The following DCC variants were observed in gnomAD, a reference collection of about 807,000 sequenced individuals.
DCC encodes the protein DCC netrin 1 receptor.
In DCC, 58 loss-of-function variants were observed where a neutral mutation model predicts 172.5. The observed-to-expected ratio is 0.34, with a 90% confidence interval of 0.27 to 0.42. The LOEUF (loss-of-function observed/expected upper bound fraction) is 0.42, where lower values mean the gene tolerates loss of function less well. Ranked by LOEUF, DCC falls within the 10% of genes least tolerant of loss-of-function variation. The probability of loss-of-function intolerance (pLI) is 1.00; values close to 1 mark genes in which losing one functional copy is unlikely to be tolerated. For synonymous variants in DCC, 709 were observed against 644.5 expected (o/e 1.10, Z -1.52); for missense variants, 1,740 against 1,791.0 (o/e 0.97, Z 0.51).
intron 1 of DCC, among the ~76,000 whole-genome samples, chr18:52,596,089 G>C (rs969529638): frequency 4.6e-5 from 7 of 152,154 alleles, no homozygotes; most frequent in Non-Finnish European, 8.8e-5. Flanking sequence ...TCCTAATTTA[G>C]ATTACTCAGC....
intron 1 of DCC, among the ~76,000 whole-genome samples, chr18:52,702,355 T>G (rs1048653059): frequency 8.5e-5 from 13 of 152,128 alleles, no homozygotes; most frequent in Non-Finnish European, 4.4e-5. Context: ...TCACTTTGCC[T>G]CTTACCTCCT....
intron 7 of DCC, among the ~76,000 whole-genome samples, chr18:53,128,237 G>T (rs1180554917): frequency 3.3e-5 from 5 of 152,058 alleles, no homozygotes; most frequent in Non-Finnish European, 7.4e-5. Context: ...CCTGTATCAT[G>T]CACTTTGCTA....
intron 1 of DCC, among the ~76,000 whole-genome samples, chr18:52,607,476 C>A (rs901183142): frequency 3.9e-5 from 6 of 152,052 alleles, no homozygotes; most frequent in African/African-American, 1.4e-4. Flanking sequence ...GACCATAGAG[C>A]GTACTTTTTG....
intron 5 of DCC, among the ~76,000 whole-genome samples, chr18:52,939,713 C>T (rs1480813896): frequency 6.6e-6 from 1 of 152,012 alleles, no homozygotes; most frequent in Admixed American, 6.6e-5. Flanking sequence ...GAAATTGAGG[C>T]TCCTCATTAT....
chr18:53,296,345 T>C (rs1366695010), intron 12 of DCC, among the ~76,000 whole-genome samples: 1 of 152,192 alleles, frequency 6.6e-6, no homozygotes, highest in Non-Finnish European at 1.5e-5. Context: ...AAAGTAGTTC[T>C]GATTTACTAC....
intron 1 of DCC, among the ~76,000 whole-genome samples, chr18:52,609,179 G>A (rs1230335672): frequency 6.6e-6 from 1 of 152,046 alleles, no homozygotes; most frequent in Admixed American, 6.6e-5. Flanking sequence ...TTTTGCCGAG[G>A]TACAACATAA....
intron 1 of DCC, among the ~76,000 whole-genome samples, chr18:52,638,632 A>G (rs2034828823): frequency 6.6e-6 from 1 of 152,182 alleles, no homozygotes; most frequent in African/African-American, 2.4e-5. Context: ...AAATTTCACA[A>G]TTCTAAACAT....
intron 1 of DCC, among the ~76,000 whole-genome samples, chr18:52,431,566 C>A (rs1255486001): frequency 6.6e-6 from 1 of 152,042 alleles, no homozygotes; most frequent in African/African-American, 2.4e-5. Context: ...AAGTATTGTT[C>A]GTCTTAAAGG....
intron 5 of DCC, among the ~76,000 whole-genome samples, chr18:53,016,093 A>G (rs1234366948): frequency 6.6e-6 from 1 of 152,064 alleles, no homozygotes; most frequent in East Asian, 1.9e-4. Flanking sequence ...ATGTCCTCCA[A>G]ATAAAGTACA....
chr18:52,941,933 C>A (rs1437619217), intron 5 of DCC, among the ~76,000 whole-genome samples: 2 of 152,060 alleles, frequency 1.3e-5, no homozygotes, highest in African/African-American at 4.8e-5. Flanking sequence ...CAGGCACCTG[C>A]CACCATGCCC....
intron 27 of DCC, among the ~76,000 whole-genome samples, chr18:53,514,339 A>G (rs937300095): frequency 1.1e-4 from 17 of 152,326 alleles, no homozygotes; most frequent in South Asian, 6.2e-4. Context: ...AATGCCCACA[A>G]GAGAGAGCAG....
intron 6 of DCC, 111 bp from the exon 7 acceptor site, chr18:53,065,935 C>T (rs907814932): frequency 1.6e-5 from 21 of 1,340,200 alleles, no homozygotes; most frequent in Non-Finnish European, 2.1e-5. Context: ...ATGGCCTCTC[C>T]TCTTGTTTCT....
chr18:52,761,908 CAAAAAAAAAA>C (rs1222086354), intron 2 of DCC, among the ~76,000 whole-genome samples: 1 of 48,462 alleles, frequency 2.1e-5, no homozygotes, highest in East Asian at 5.6e-4. Context: ...GACTCTGTCT[CAAAAAAAAAA>C]AAAAAAAGAA....
intron 5 of DCC, among the ~76,000 whole-genome samples, chr18:52,959,623 T>A (rs994085380): frequency 1.3e-5 from 2 of 152,054 alleles, no homozygotes; most frequent in Admixed American, 1.3e-4. Context: ...AAATTTTAAG[T>A]ATTGAAAATA....
intron 1 of DCC, chr18:52,409,315 T>G (rs766468137): frequency 6.6e-6 from 1 of 152,148 alleles, no homozygotes; most frequent in Non-Finnish European, 1.5e-5. Flanking sequence ...CAGAGTAGAC[T>G]GCAGACAATG....
At chr18:52,822,145 A>G (rs564849961) in intron 2 of DCC, among the ~76,000 whole-genome samples, 7 of 152,328 alleles carry the variant, frequency 4.6e-5, no homozygotes, top group African/African-American at 1.7e-4. Context: ...ATATTCACAG[A>G]AGCCATTAAT....
intron 1 of DCC, among the ~76,000 whole-genome samples, chr18:52,341,950 G>A (rs1423071213): frequency 6.6e-6 from 1 of 152,160 alleles, no homozygotes; most frequent in East Asian, 1.9e-4. Context: ...GAGACCGGGC[G>A]TTGAGTAGGA....
At chr18:53,273,445 A>T (rs1188154839) in intron 12 of DCC, among the ~76,000 whole-genome samples, 1 of 152,166 alleles carries the variant, frequency 6.6e-6, no homozygotes, top group East Asian at 1.9e-4. Context: ...GGTAGGATTC[A>T]CAAATTATGA....
At chr18:53,267,133 C>CATAT (rs374515719) in intron 12 of DCC, among the ~76,000 whole-genome samples, 19 of 145,446 alleles carry the variant, frequency 1.3e-4, no homozygotes, top group Non-Finnish European at 2.7e-4. Flanking sequence ...CACACACACA[C>CATAT]ATATATATAT....
Sources: allele counts gnomAD v4.1 joint callset (sites outside exome capture counted in the v4.1 genomes callset), GRCh38; gene constraint gnomAD v4.1.1; transcripts MANE v1.5; gene names NCBI Gene and HGNC (gene_info 2026-07-23, HGNC 2026-07-21).